SOS1: variants seen among roughly 807,000 people sequenced by gnomAD.
SOS1 encodes son of sevenless homolog 1.
Under a neutral mutation model 157.6 loss-of-function variants are expected in SOS1, and 25 were observed. The observed-to-expected ratio is 0.16, with a 90% CI of 0.12 to 0.22. The LOEUF (loss-of-function observed/expected upper bound fraction) is 0.22, where lower values mean the gene tolerates loss of function less well. Ranked by LOEUF, SOS1 falls within the 10% of genes least tolerant of loss-of-function variation. The probability of loss-of-function intolerance (pLI) is 1.00; values close to 1 mark genes in which losing one functional copy is unlikely to be tolerated. For missense variants in SOS1, 1,237 were observed against 1,599.1 expected (o/e 0.77, Z 3.86); for synonymous variants, 528 against 534.0 (o/e 0.99, Z 0.16).
At chr2:38,988,230 C>A (rs1356281664) in intron 21 of SOS1, among the ~76,000 whole-genome samples, 1 of 152,230 alleles carries the variant, frequency 6.6e-6, no homozygotes, top group South Asian at 2.1e-4. Flanking sequence ...TTCAAGACAA[C>A]GGAGGCAGCC....
intron 6 of SOS1, among the ~76,000 whole-genome samples, chr2:39,044,840 GTA>G (rs2124582607): frequency 7.3e-6 from 1 of 137,508 alleles, no homozygotes; most frequent in South Asian, 2.4e-4. Flanking sequence ...GGATGACTGT[GTA>G]CACACACATG....
intron 1 of SOS1, 36 bp from the exon 2 acceptor site, chr2:39,067,789 T>C (rs780219555): frequency 6.3e-7 from 1 of 1,595,706 alleles, no homozygotes; most frequent in South Asian, 1.1e-5. Flanking sequence ...AAATGTGGGT[T>C]CCATATCATT....
chr2:38,992,624 C>T (rs1287473632), intron 20 of SOS1: 1 of 152,140 alleles, frequency 6.6e-6, no homozygotes, highest in African/African-American at 2.4e-5. Context: ...GTTTTTTCCA[C>T]CACTTTCATT....
chr2:39,122,335 C>G (rs1354191485), upstream of SOS1, among the ~76,000 whole-genome samples: 1 of 151,866 alleles, frequency 6.6e-6, no homozygotes, highest in Non-Finnish European at 1.5e-5. Flanking sequence ...GAGGCTGAGG[C>G]AGGAGAATCG....
intron 19 of SOS1, 147 bp from the exon 20 acceptor site, chr2:38,995,534 A>G: frequency 1.5e-6 from 1 of 652,562 alleles, no homozygotes; most frequent in East Asian, 2.8e-5. Flanking sequence ...AAAGTAGAAC[A>G]TTTAAAGCAT....
At chr2:39,100,442 TACAC>T (rs1195367686) in intron 1 of SOS1, among the ~76,000 whole-genome samples, 1 of 152,072 alleles carries the variant, frequency 6.6e-6, no homozygotes, top group Non-Finnish European at 1.5e-5. Flanking sequence ...GAAATTGTGA[TACAC>T]ACAGATACAC....
chr2:39,033,755 T>A (rs923091838), intron 8 of SOS1, among the ~76,000 whole-genome samples: 4 of 152,182 alleles, frequency 2.6e-5, no homozygotes, highest in African/African-American at 9.7e-5. Context: ...CAAGCTGGTC[T>A]TGAACACCTG....
chr2:39,010,278 T>C (rs967561155), intron 15 of SOS1, among the ~76,000 whole-genome samples: 1 of 147,340 alleles, frequency 6.8e-6, no homozygotes, highest in African/African-American at 2.5e-5. Context: ...ATCACACCAC[T>C]GCACTCCAGC....
chr2:39,045,245 A>AGAGGGAGAGG (rs548585629), intron 6 of SOS1, among the ~76,000 whole-genome samples: 57 of 70,862 alleles, frequency 8.0e-4, no homozygotes, highest in South Asian at 2.6e-3. Flanking sequence ...AGAGAGAGGG[A>AGAGGGAGAGG]GAGAGAGAGA....
At chr2:39,059,474 TTC>T (rs1671327947) in intron 2 of SOS1, among the ~76,000 whole-genome samples, 1 of 152,162 alleles carries the variant, frequency 6.6e-6, no homozygotes. Context: ...ACTAATATAA[TTC>T]ACTTCAAAAA....
intron 2 of SOS1, among the ~76,000 whole-genome samples, chr2:39,059,896 T>C (rs191609362): frequency 1.3e-5 from 2 of 152,248 alleles, no homozygotes; most frequent in Admixed American, 6.5e-5. Context: ...TAGAAGCATG[T>C]TGAAAGAAAT....
At chr2:39,120,006 G>A (rs1009444749) in intron 1 of SOS1, among the ~76,000 whole-genome samples, 1 of 152,168 alleles carries the variant, frequency 6.6e-6, no homozygotes, top group Admixed American at 6.5e-5. Flanking sequence ...CCAAGAAGAC[G>A]GAAAAGTGGC....
At chr2:39,113,388 GGGTCTCACTATGT>G (rs936665293) in intron 1 of SOS1, among the ~76,000 whole-genome samples, 1 of 149,602 alleles carries the variant, frequency 6.7e-6, no homozygotes, top group Non-Finnish European at 1.5e-5. Context: ...TGTAGAGACA[GGGTCTCACTATGT>G]GGCCTAGGCT....
chr2:39,120,202 G>T, intron 1 of SOS1, 134 bp downstream of exon 1: 1 of 752,580 alleles, frequency 1.3e-6, no homozygotes, highest in Non-Finnish European at 1.9e-6. Flanking sequence ...GCCTCTCCGT[G>T]TGCGCCGTCC....
chr2:39,035,308 T>G lies in SOS1; in HGVS notation c.978A>C (p.Ser326=), dbSNP rs1238553228. ...SKPGAALYLQ[S]IGEGFKEAVQ... is the part of the protein sequence containing the mutation. ...CAGCTTCTTTGAAACCTTCGCCTAT[T>G]GACTGGAAAAAAAAGTGATTTAATT... The change falls in exon 8 of 23, where the codon TCA becomes TCC. Residue 326 remains serine (S), a splice_region_variant and synonymous_variant. Coordinates refer to ENST00000402219, the MANE Select transcript of SOS1 (RefSeq NM_005633.4). 4 of 1,613,270 alleles carry G rather than the reference T, an allele frequency of 2.5e-6. No homozygotes were observed. In the East Asian group the frequency reaches 6.7e-5, roughly 27 times the overall value.
At chr2:39,118,157 T>C (rs908538941) in intron 1 of SOS1, among the ~76,000 whole-genome samples, 1 of 152,182 alleles carries the variant, frequency 6.6e-6, no homozygotes, top group African/African-American at 2.4e-5. Context: ...AACTCAGCCC[T>C]GATGATTTGA....
intron 3 of SOS1, among the ~76,000 whole-genome samples, chr2:39,058,467 T>C (rs1167274969): frequency 6.6e-6 from 1 of 152,084 alleles, no homozygotes; most frequent in Non-Finnish European, 1.5e-5. Context: ...ACTATTGATA[T>C]GAAATTACTT....
At chr2:39,035,527 A>T in intron 6 of SOS1, 27 bp from the exon 7 acceptor site, 3 of 1,464,558 alleles carry the variant, frequency 2.0e-6, no homozygotes, top group South Asian at 1.1e-5. Context: ...GGTAAAACAT[A>T]AATAATTTAC....
chr2:39,072,981 C>T (rs1372988298), intron 1 of SOS1, among the ~76,000 whole-genome samples: 2 of 152,140 alleles, frequency 1.3e-5, no homozygotes, highest in Admixed American at 1.3e-4. Flanking sequence ...TTTATTCTTT[C>T]AAGAAGATGC....
Sources: gnomAD v4.1 joint callset for allele counts (sites outside exome capture counted in the v4.1 genomes callset) on GRCh38, gnomAD v4.1.1 for gene constraint, MANE v1.5 for transcripts, NCBI Gene and HGNC (gene_info 2026-07-23, HGNC 2026-07-21) for gene names.